SLC44A5: variants seen among roughly 807,000 people sequenced by gnomAD.
SLC44A5 encodes solute carrier family 44 member 5.
Under a neutral mutation model 101.8 loss-of-function variants are expected in SLC44A5, and 57 were observed. The observed-to-expected ratio is 0.56, with a 90% CI of 0.45 to 0.70. SLC44A5 has a LOEUF of 0.70. Ranked by LOEUF, SLC44A5 falls within the 30% of genes least tolerant of loss-of-function variation. The probability of loss-of-function intolerance (pLI) is 0.00; values close to 1 mark genes in which losing one functional copy is unlikely to be tolerated. For missense variants in SLC44A5, 737 were observed against 853.1 expected (o/e 0.86, Z 1.70); for synonymous variants, 281 against 290.9 (o/e 0.97, Z 0.35).
intron 1 of SLC44A5, among the ~76,000 whole-genome samples, chr1:75,544,535 A>G (rs187762049): frequency 1.3e-5 from 2 of 152,320 alleles, no homozygotes; most frequent in Admixed American, 6.5e-5. Context: ...ACAACAAAAT[A>G]CTTTTGCTGA....
chr1:75,587,082 G>C (rs745675678), intron 1 of SLC44A5, among the ~76,000 whole-genome samples: 1 of 151,700 alleles, frequency 6.6e-6, no homozygotes, highest in Non-Finnish European at 1.5e-5. Flanking sequence ...AACTGAAGAG[G>C]GTCCTAAAAA....
intron 18 of SLC44A5, 118 bp downstream of exon 18, chr1:75,217,748 G>A: frequency 1.4e-6 from 1 of 706,784 alleles, no homozygotes; most frequent in Non-Finnish European, 2.5e-6. Flanking sequence ...GAACAGAACG[G>A]GTCCCAAATA....
chr1:75,233,403 G>C (rs1420705069), intron 12 of SLC44A5, among the ~76,000 whole-genome samples: 1 of 151,644 alleles, frequency 6.6e-6, no homozygotes, highest in Non-Finnish European at 1.5e-5. Context: ...CTACGTCCAC[G>C]TGTACTCATT....
At chr1:75,707,069 C>T in the SLC44A5 span, among the ~76,000 whole-genome samples, 1 of 152,118 alleles carries the variant, frequency 6.6e-6, no homozygotes, top group Non-Finnish European at 1.5e-5. Context: ...GTCTTTTTCA[C>T]ATGATATGGT....
At chr1:75,340,401 T>C (rs1188900366) in intron 3 of SLC44A5, among the ~76,000 whole-genome samples, 1 of 152,128 alleles carries the variant, frequency 6.6e-6, no homozygotes, top group Admixed American at 6.6e-5. Context: ...CCCTACAACC[T>C]AAGCACTCCC....
chr1:75,395,103 A>G (rs1156333102), intron 3 of SLC44A5, among the ~76,000 whole-genome samples: 11 of 152,070 alleles, frequency 7.2e-5, no homozygotes, highest in African/African-American at 2.4e-4. Context: ...GCTACTTTAT[A>G]TCAGAAGTGG....
the SLC44A5 span, among the ~76,000 whole-genome samples, chr1:75,650,814 A>G: frequency 6.6e-6 from 1 of 152,124 alleles, no homozygotes; most frequent in East Asian, 1.9e-4. Flanking sequence ...GACTGATCTG[A>G]AACTCCTGGG....
intron 2 of SLC44A5, among the ~76,000 whole-genome samples, chr1:75,538,967 C>T (rs4080327): frequency 0.16 from 24,973 of 152,026 alleles, 2,235 homozygotes; most frequent in Admixed American, 0.24. Flanking sequence ...ATTTGCTTGC[C>T]CCAGGAGCAC....
the SLC44A5 span, among the ~76,000 whole-genome samples, chr1:75,672,240 C>A: frequency 6.6e-6 from 1 of 152,186 alleles, no homozygotes; most frequent in Non-Finnish European, 1.5e-5. Flanking sequence ...ACCCTTCCCC[C>A]ATCCCCTGGA....
upstream of SLC44A5, among the ~76,000 whole-genome samples, chr1:75,612,970 TTGA>T (rs893461007): frequency 1.3e-5 from 2 of 152,222 alleles, no homozygotes; most frequent in African/African-American, 2.4e-5. Context: ...GACTGTCCTT[TTGA>T]TGAGATGTCA....
intron 1 of SLC44A5, among the ~76,000 whole-genome samples, chr1:75,558,021 T>C (rs1672313870): frequency 6.6e-6 from 1 of 152,096 alleles, no homozygotes; most frequent in South Asian, 2.1e-4. Context: ...TTGTACTGGG[T>C]TCAGAAATAA....
intron 5 of SLC44A5, among the ~76,000 whole-genome samples, chr1:75,277,497 C>T (rs1352120328): frequency 6.6e-6 from 1 of 152,114 alleles, no homozygotes; most frequent in East Asian, 1.9e-4. Flanking sequence ...TGGTTTTAAC[C>T]ACCAAACTAG....
chr1:75,682,439 G>T, the SLC44A5 span, among the ~76,000 whole-genome samples: 3 of 151,782 alleles, frequency 2.0e-5, no homozygotes, highest in Admixed American at 1.3e-4. Flanking sequence ...AGAGCCCTCA[G>T]AAATAATGCC....
chr1:75,665,345 C>T, the SLC44A5 span, among the ~76,000 whole-genome samples: 1 of 152,186 alleles, frequency 6.6e-6, no homozygotes, highest in Non-Finnish European at 1.5e-5. Flanking sequence ...CAAAAATAAG[C>T]AGTAGGGAAA....
In SLC44A5 at chr1:75,258,376, G is replaced by A. The variant is rs1034039725; in HGVS notation, c.261-7082C>T. ...CAGGGAAGGGGTGTCTGCCATTGCT[G>A]TGGCTTGAGTAGGTGGTTTTACAAA... is the stretch of plus-strand genomic sequence containing the variant. On this transcript the variant is annotated intron_variant, in intron 6 of 23. Transcript: ENST00000370859. Among the ~76,000 whole-genome samples, 191 of 152,278 alleles carry A rather than the reference G, an allele frequency of 1.3e-3. 1 individual carries two copies. The highest frequency in any genetic ancestry group is 1.9e-4 in the Non-Finnish European group (13 of 68,034).
At chr1:75,505,166 G>A (rs189861942) in intron 2 of SLC44A5, among the ~76,000 whole-genome samples, 8 of 152,198 alleles carry the variant, frequency 5.3e-5, no homozygotes, top group Admixed American at 4.6e-4. Flanking sequence ...CAAAGGACAT[G>A]ATTTTGTTCT....
chr1:75,403,613 G>A (rs1466312780), intron 2 of SLC44A5, among the ~76,000 whole-genome samples: 1 of 152,170 alleles, frequency 6.6e-6, no homozygotes, highest in Non-Finnish European at 1.5e-5. Context: ...GAGCTTCACT[G>A]TTAGAAGGAA....
chr1:75,421,636 A>G (rs1419177513), intron 2 of SLC44A5, among the ~76,000 whole-genome samples: 1 of 152,188 alleles, frequency 6.6e-6, no homozygotes, highest in East Asian at 1.9e-4. Context: ...TTCTTTCATT[A>G]AGATCACCAT....
chr1:75,572,907 G>A (rs936915118), intron 1 of SLC44A5, among the ~76,000 whole-genome samples: 1 of 151,964 alleles, frequency 6.6e-6, no homozygotes, highest in Non-Finnish European at 1.5e-5. Context: ...CAGATCGCCT[G>A]AGATCAGGAG....
Sources: allele counts gnomAD v4.1 joint callset (sites outside exome capture counted in the v4.1 genomes callset), GRCh38; gene constraint gnomAD v4.1.1; transcripts MANE v1.5; gene names NCBI Gene and HGNC (gene_info 2026-07-23, HGNC 2026-07-21).